SETX: variants seen among roughly 807,000 people sequenced by gnomAD.
The protein encoded by SETX is helicase senataxin.
SETX carries 90 observed loss-of-function variants against 227.2 expected under a neutral mutation model. The observed-to-expected ratio is 0.40, with a 90% confidence interval of 0.33 to 0.47. The LOEUF is 0.47. SETX is among the 20% of genes least tolerant of loss of function. The pLI, the probability that SETX is intolerant of heterozygous loss-of-function variation, is 0.91. For missense variants in SETX, 3,052 were observed against 3,181.5 expected (o/e 0.96, Z 0.98); for synonymous variants, 1,210 against 1,113.2 (o/e 1.09, Z -1.73).
At chr9:132,347,270 A>G (rs1848343995) in intron 3 of SETX, among the ~76,000 whole-genome samples, 1 of 151,706 alleles carries the variant, frequency 6.6e-6, no homozygotes, top group Non-Finnish European at 1.5e-5. Context: ...AAACCAAACA[A>G]ACGAAAAAAA....
upstream of SETX, among the ~76,000 whole-genome samples, chr9:132,355,499 G>A (rs535013446): frequency 3.0e-4 from 46 of 152,362 alleles, 1 homozygote; most frequent in South Asian, 8.9e-3. Flanking sequence ...TTACAAGAAA[G>A]GGAGACCTTA....
At position 132,289,366 on chromosome 9, in the gene SETX, T is replaced by C. The variant is rs147584151; in HGVS notation, c.6107-715A>G. Among the ~76,000 whole-genome samples the C allele has an allele frequency of 3.1e-4, 47 of 152,256 alleles. No homozygotes were observed. The East Asian group carries it at 8.1e-3, about 26-fold the overall frequency. ...TAAACCGCCATTCCTATACATTAGG[T>C]GTATGACACACGGCTCTCCTTTCAC... is the stretch of plus-strand genomic sequence containing the variant. On this transcript the variant is annotated intron_variant, in intron 15 of 25. Transcript: ENST00000224140.
intron 22 of SETX, 35 bp downstream of exon 22, chr9:132,277,025 G>A (rs1253679365): frequency 1.3e-6 from 2 of 1,511,924 alleles, no homozygotes; most frequent in Admixed American, 1.7e-5. Context: ...ACAATTCTGG[G>A]ACTATCAGAG....
Position 132,336,377 on chromosome 9 carries a change from A to C in SETX, c.637T>G (p.Ser213Ala). 6.2e-7 allele frequency: 1 copy of C among 1,614,146 alleles called. No individual in the cohort carries two copies. Among genetic ancestry groups the C allele is most frequent in the Non-Finnish European group, 8.5e-7 (1 of 1,179,986 alleles). The change falls in exon 6 of 26, where the codon TCT becomes GCT. Residue 213 changes from serine to alanine, a missense_variant. Transcript: ENST00000224140. Reference protein sequence around the residue: ...GLLESPDIYTSSVLEKGKLIL... With the variant: ...GLLESPDIYTASVLEKGKLIL... ...AGTTTACCCTTCTCTAGGACAGAAG[A>C]AGTATAAATGTCTGGACTCTCTAAA...
chr9:132,288,833 T>C (rs1427452497), intron 15 of SETX, among the ~76,000 whole-genome samples, 182 bp from the exon 16 acceptor site: 2 of 152,198 alleles, frequency 1.3e-5, no homozygotes, highest in Non-Finnish European at 2.9e-5. Context: ...ATTTCAGATA[T>C]TGTTCCTAAC....
intron 10 of SETX, among the ~76,000 whole-genome samples, chr9:132,322,082 A>G (rs1030744512): frequency 1.3e-5 from 2 of 152,184 alleles, no homozygotes; most frequent in Admixed American, 1.3e-4. Context: ...CCTTCAGATC[A>G]CGTTTGCCTT....
At chr9:132,290,205 G>C (rs930554676) in intron 15 of SETX, among the ~76,000 whole-genome samples, 1 of 151,806 alleles carries the variant, frequency 6.6e-6, no homozygotes, top group African/African-American at 2.4e-5. Context: ...GCAAGACTCC[G>C]TCTCAAAAAA....
intron 22 of SETX, among the ~76,000 whole-genome samples, chr9:132,276,509 G>C (rs541544751): frequency 6.6e-6 from 1 of 152,068 alleles, no homozygotes; most frequent in South Asian, 2.1e-4. Context: ...ACTTGTATCC[G>C]TGCCAACAAA....
At chr9:132,313,220 A>G (rs11243727) in intron 10 of SETX, among the ~76,000 whole-genome samples, 36,923 of 152,066 alleles carry the variant, frequency 0.24, 5,655 homozygotes, top group East Asian at 0.68. Context: ...TTAAAAGGGT[A>G]TATTTTATGG....
chr9:132,279,536 G>A (rs1346651332), intron 20 of SETX, among the ~76,000 whole-genome samples: 3 of 152,190 alleles, frequency 2.0e-5, no homozygotes, highest in East Asian at 3.8e-4. Context: ...CACTGAAGAC[G>A]TGCAAAGCCT....
In SETX at chr9:132,329,236, A is replaced by C; in HGVS notation, c.2362T>G (p.Cys788Gly). The part of the protein sequence containing the change: ...RKTKVQKDEI[C>G]AKLSHVIKKQ... The stretch of plus-strand genomic sequence containing the variant: ...TTTATTACATGTGATAACTTTGCAC[A>C]GATTTCATCTTTCTGTACCTTAGTT... The change falls in exon 10 of 26, where the codon TGT becomes GGT. Residue 788 changes from cysteine to glycine, a missense_variant. By Grantham distance (159) the Cys-to-Gly change is radical. Transcript: ENST00000224140. 1 of 1,613,994 alleles carries C rather than the reference A, an allele frequency of 6.2e-7. No homozygotes were observed. The highest frequency in any genetic ancestry group is 8.5e-7 in the Non-Finnish European group (1 of 1,179,960).
chr9:132,309,815 T>C (rs982307389), intron 11 of SETX, among the ~76,000 whole-genome samples: 3 of 152,014 alleles, frequency 2.0e-5, no homozygotes, highest in Non-Finnish European at 4.4e-5. Flanking sequence ...TCCTGATCCA[T>C]GGGTGATGGG....
At chr9:132,354,445 G>C (rs1481652936) in intron 1 of SETX, among the ~76,000 whole-genome samples, 6 of 148,916 alleles carry the variant, frequency 4.0e-5, no homozygotes, top group African/African-American at 1.2e-4. Flanking sequence ...GCTGCGAGCC[G>C]TGACTGTTCC....
At chr9:132,321,271 G>A (rs1408910045) in intron 10 of SETX, among the ~76,000 whole-genome samples, 1 of 152,184 alleles carries the variant, frequency 6.6e-6, no homozygotes, top group Non-Finnish European at 1.5e-5. Flanking sequence ...TGTAATCCCA[G>A]CACTTTGGGA....
At chr9:132,323,618 A>C (rs563846899) in intron 10 of SETX, among the ~76,000 whole-genome samples, 10 of 152,288 alleles carry the variant, frequency 6.6e-5, no homozygotes, top group East Asian at 5.8e-4. Context: ...ATATGGAAGG[A>C]AGGCCAGGCG....
chr9:132,331,125 G>A lies in SETX; in HGVS notation c.1025C>T (p.Pro342Leu), dbSNP rs762627335. 7.4e-6 allele frequency: 12 copies of A among 1,613,214 alleles called. No individual in the cohort carries two copies. Among genetic ancestry groups the A allele is most frequent in the Admixed American group, 6.7e-5 (4 of 59,982 alleles). ...CACCATATCATCCAAATAGGACTCC[G>A]GTTCTAACTTGGTCCTTAAATATTA... is the stretch of plus-strand genomic sequence containing the variant. ...RNSSVRTKLE[P>L]ESYLDDMVTC... is the part of the protein sequence containing the mutation. The change falls in exon 9 of 26, where the codon CCG (proline) becomes CTG (leucine). Residue 342 changes from proline to leucine, a missense_variant. Coordinates refer to ENST00000224140, the MANE Select transcript of SETX (RefSeq NM_015046.7).
intron 10 of SETX, among the ~76,000 whole-genome samples, chr9:132,314,460 G>C (rs1302260917): frequency 6.6e-6 from 1 of 152,142 alleles, no homozygotes; most frequent in Non-Finnish European, 1.5e-5. Context: ...CTGACCTGAG[G>C]TGATCTACCC....
chr9:132,303,560 T>C (rs940734512), intron 11 of SETX, among the ~76,000 whole-genome samples: 2 of 151,772 alleles, frequency 1.3e-5, no homozygotes, highest in Admixed American at 6.6e-5. Flanking sequence ...AAGATACTGT[T>C]AGGAAAATTA....
intron 24 of SETX, 112 bp downstream of exon 24, chr9:132,271,597 GA>G: frequency 2.2e-6 from 2 of 919,752 alleles, no homozygotes; most frequent in Non-Finnish European, 3.6e-6. Context: ...TTTCACAAAA[GA>G]AAATTAAAAA....
Sources: allele counts gnomAD v4.1 joint callset (sites outside exome capture counted in the v4.1 genomes callset), GRCh38; gene constraint gnomAD v4.1.1; transcripts MANE v1.5; gene names NCBI Gene and HGNC (gene_info 2026-07-23, HGNC 2026-07-21).